CDH13: variants seen among roughly 807,000 people sequenced by gnomAD.
CDH13 encodes cadherin-13.
In CDH13, 24 loss-of-function variants were observed where a neutral mutation model predicts 63.8. The observed-to-expected ratio is 0.38, with a 90% CI of 0.27 to 0.53. The LOEUF (loss-of-function observed/expected upper bound fraction) is 0.53. CDH13 is among the 20% of genes least tolerant of loss of function. CDH13 has a pLI of 0.85. For missense variants in CDH13, 1,049 were observed against 903.1 expected, an observed-to-expected ratio of 1.16 and a Z score of -2.07; for synonymous variants, 503 against 355.3, an observed-to-expected ratio of 1.42 and a Z score of -4.67.
intron 10 of CDH13, among the ~76,000 whole-genome samples, chr16:83,696,478 C>G (rs1419831485): frequency 2.6e-5 from 4 of 152,118 alleles, no homozygotes; most frequent in Non-Finnish European, 5.9e-5. Context: ...TTCAAGCCCA[C>G]ACTGGATCCA....
At chr16:83,073,175 G>C (rs898331924) in intron 3 of CDH13, among the ~76,000 whole-genome samples, 1 of 152,134 alleles carries the variant, frequency 6.6e-6, no homozygotes, top group Non-Finnish European at 1.5e-5. Context: ...GGCTTGCGTG[G>C]CTAGTGATTG....
chr16:83,002,757 G>A (rs1332286261), intron 2 of CDH13, among the ~76,000 whole-genome samples: 2 of 152,136 alleles, frequency 1.3e-5, no homozygotes, highest in African/African-American at 4.8e-5. Flanking sequence ...GTGAGGGAAT[G>A]TGCCGTGTAG....
At chr16:82,676,895 T>A in intron 1 of CDH13, among the ~76,000 whole-genome samples, 1 of 150,816 alleles carries the variant, frequency 6.6e-6, no homozygotes, top group Admixed American at 6.6e-5. Context: ...TGTTTTGTTT[T>A]GTTTTTTTCA....
At chr16:83,355,267 A>C (rs1284172405) in intron 6 of CDH13, among the ~76,000 whole-genome samples, 1 of 152,240 alleles carries the variant, frequency 6.6e-6, no homozygotes, top group East Asian at 1.9e-4. Context: ...AAAATTCTAA[A>C]TATTGAGTCA....
intron 7 of CDH13, among the ~76,000 whole-genome samples, chr16:83,551,021 C>T (rs1217455972): frequency 6.6e-6 from 1 of 151,514 alleles, no homozygotes; most frequent in African/African-American, 2.4e-5. Flanking sequence ...GTAAGCCTAC[C>T]CCCATCTCTG....
At chr16:83,529,280 A>T (rs1287980642) in intron 7 of CDH13, among the ~76,000 whole-genome samples, 1 of 152,162 alleles carries the variant, frequency 6.6e-6, no homozygotes, top group African/African-American at 2.4e-5. Context: ...ATTGGATGAC[A>T]TATATTAAAC....
chr16:82,827,017 G>A (rs113114876), intron 1 of CDH13, among the ~76,000 whole-genome samples: 5 of 152,302 alleles, frequency 3.3e-5, no homozygotes, highest in African/African-American at 1.2e-4. Flanking sequence ...CCCCTGGCAT[G>A]TTTTGCTTAT....
chr16:83,616,384 C>T lies in CDH13; in HGVS notation c.1101+13790C>T, dbSNP rs189241011. Among the ~76,000 whole-genome samples, 236 of 152,212 alleles carry T rather than the reference C, an allele frequency of 1.6e-3. 1 individual carries two copies. The highest frequency in any genetic ancestry group is 0.014 in the Middle Eastern group (4 of 294). ...TTCGTGATGTGTTGATCCCCATCAT[C>T]CCTGTGTGAACCTCTATGCGAATTC... On this transcript the variant is annotated intron_variant, in intron 8 of 13. Transcript: ENST00000567109.
At chr16:82,655,667 C>T (rs73599189) in intron 1 of CDH13, among the ~76,000 whole-genome samples, 52 of 152,194 alleles carry the variant, frequency 3.4e-4, no homozygotes, top group African/African-American at 1.2e-3. Flanking sequence ...TCAGAAGAAG[C>T]CTACAGAAGC....
At chr16:82,724,862 C>T (rs2033002535) in intron 1 of CDH13, among the ~76,000 whole-genome samples, 1 of 152,152 alleles carries the variant, frequency 6.6e-6, no homozygotes, top group Admixed American at 6.5e-5. Context: ...CTCAGTCTTC[C>T]AGTTGGATGT....
At chr16:83,382,475 TCTATCTCC>T (rs1002197060) in intron 6 of CDH13, among the ~76,000 whole-genome samples, 1 of 152,118 alleles carries the variant, frequency 6.6e-6, no homozygotes, top group Non-Finnish European at 1.5e-5. Flanking sequence ...CTGCGTACAC[TCTATCTCC>T]CTATGTATGT....
At chr16:82,955,966 T>A (rs1466301215) in intron 2 of CDH13, among the ~76,000 whole-genome samples, 1 of 152,150 alleles carries the variant, frequency 6.6e-6, no homozygotes, top group Non-Finnish European at 1.5e-5. Context: ...TGACATTCAG[T>A]CTTGGATTTA....
At chr16:82,711,491 A>T (rs1052296828) in intron 1 of CDH13, among the ~76,000 whole-genome samples, 4 of 152,166 alleles carry the variant, frequency 2.6e-5, no homozygotes, top group South Asian at 2.1e-4. Context: ...TGTTTTAGGC[A>T]TGTGGGTTCA....
chr16:83,003,282 G>T (rs1428944567), intron 2 of CDH13, among the ~76,000 whole-genome samples: 2 of 152,158 alleles, frequency 1.3e-5, no homozygotes, highest in East Asian at 3.9e-4. Flanking sequence ...AAAAGGTCAA[G>T]GGCTGTGGAT....
At chr16:83,220,261 G>A (rs910080150) in intron 5 of CDH13, among the ~76,000 whole-genome samples, 7 of 152,096 alleles carry the variant, frequency 4.6e-5, no homozygotes, top group East Asian at 1.9e-4. Context: ...ATCATTCTGC[G>A]GTTCTTTATT....
At position 83,067,631 on chromosome 16, in the gene CDH13, C is replaced by G. The variant is rs565545653; in HGVS notation, c.366+35413C>G. On this transcript the variant is annotated intron_variant, in intron 3 of 13. Transcript: ENST00000567109. ...TAACTTTAGGGATAAAATGCACAACCTATAATAATTTTAGTGCAATTGATT... is the reference window on the plus strand; with the variant it reads ...TAACTTTAGGGATAAAATGCACAACGTATAATAATTTTAGTGCAATTGATT... Among the ~76,000 whole-genome samples, 226 of 152,236 alleles carry G rather than the reference C, an allele frequency of 1.5e-3. 1 individual carries two copies. The highest frequency in any genetic ancestry group is 5.3e-3 in the African/African-American group (220 of 41,532).
intron 3 of CDH13, among the ~76,000 whole-genome samples, chr16:83,120,043 C>T (rs532154187): frequency 1.4e-4 from 8 of 56,690 alleles, no homozygotes; most frequent in Non-Finnish European, 2.7e-4. Flanking sequence ...TGACTTCAGT[C>T]GTTCCTTAAG....
intron 10 of CDH13, among the ~76,000 whole-genome samples, chr16:83,722,685 C>T (rs1909852653): frequency 1.3e-5 from 2 of 152,326 alleles, no homozygotes; most frequent in South Asian, 2.1e-4. Context: ...GTCTGTCCCA[C>T]ACCCTCGCAA....
chr16:82,885,404 A>G (rs944092533), intron 2 of CDH13, among the ~76,000 whole-genome samples: 4 of 151,506 alleles, frequency 2.6e-5, no homozygotes, highest in African/African-American at 9.7e-5. Context: ...GTAGCTCTCC[A>G]TCCACCCACC....
Sources: allele counts gnomAD v4.1 joint callset (sites outside exome capture counted in the v4.1 genomes callset), GRCh38; gene constraint gnomAD v4.1.1; transcripts MANE v1.5; gene names NCBI Gene and HGNC (gene_info 2026-07-23, HGNC 2026-07-21).